PIEZO2: variants seen among roughly 807,000 people sequenced by gnomAD.
PIEZO2 encodes the protein piezo type mechanosensitive ion channel component 2.
A neutral mutation model predicts 337.3 loss-of-function variants in PIEZO2; 172 were observed. That is an observed-to-expected ratio of 0.51 (90% CI 0.45 to 0.58). The LOEUF is 0.58. Ranked by LOEUF, PIEZO2 falls within the 20% of genes least tolerant of loss-of-function variation. PIEZO2 has a pLI of 0.00. For missense variants in PIEZO2, 3,028 were observed against 3,391.3 expected (o/e 0.89, Z 2.66); for synonymous variants, 1,251 against 1,228.5 (o/e 1.02, Z -0.38).
rs1015873491 is a variant in PIEZO2 at position 10,677,018 on chromosome 18, G to A, written c.8081+729C>T. Among the ~76,000 whole-genome samples the A allele has an allele frequency of 1.3e-5, 2 of 152,186 alleles. No homozygotes were observed. Among genetic ancestry groups the A allele is most frequent in the Admixed American group, 1.3e-4 (2 of 15,286 alleles). ...GAGCTCCCACACCTCCAAATCGCATGAGAATCAGCATGATGATTTCTAGTG... is the reference window on the plus strand; with the variant it reads ...GAGCTCCCACACCTCCAAATCGCATAAGAATCAGCATGATGATTTCTAGTG... On this transcript the variant is annotated intron_variant, in intron 53 of 55. Coordinates refer to ENST00000674853, the MANE Select transcript of PIEZO2 (RefSeq NM_001378183.1). The surrounding 1 kb of genome is among the most constrained non-coding windows in gnomAD (Gnocchi z 4.1).
At chr18:10,770,073 T>TG in intron 21 of PIEZO2, 75 bp downstream of exon 21, 1 of 1,444,902 alleles carries the variant, frequency 6.9e-7, no homozygotes, top group Non-Finnish European at 9.3e-7. Context: ...AAAAAAATCA[T>TG]GGACAGCTGG....
intron 41 of PIEZO2, 141 bp downstream of exon 41, chr18:10,705,195 G>T: frequency 1.8e-6 from 2 of 1,130,996 alleles, no homozygotes; most frequent in East Asian, 5.2e-5. Context: ...TGCAGTGCAA[G>T]AAGTCTTGGA....
intron 4 of PIEZO2, among the ~76,000 whole-genome samples, chr18:10,900,171 C>A (rs2043007684): frequency 9.2e-6 from 1 of 109,060 alleles, no homozygotes; most frequent in Non-Finnish European, 1.8e-5. Context: ...AAATCACTTA[C>A]TTTTGTTACA....
At chr18:10,734,861 T>G (rs1024038085) in intron 35 of PIEZO2, among the ~76,000 whole-genome samples, 1 of 152,132 alleles carries the variant, frequency 6.6e-6, no homozygotes, top group Non-Finnish European at 1.5e-5. Context: ...TTTACCAGCT[T>G]TCTGAGAAAA....
At chr18:10,755,774 G>C (rs896454588) in intron 27 of PIEZO2, among the ~76,000 whole-genome samples, 5 of 152,114 alleles carry the variant, frequency 3.3e-5, no homozygotes, top group Non-Finnish European at 5.9e-5. Flanking sequence ...GGAATCTAGG[G>C]AGCCACCCCT....
At chr18:10,769,075 C>A (rs1434528799) in intron 21 of PIEZO2, among the ~76,000 whole-genome samples, 1 of 152,134 alleles carries the variant, frequency 6.6e-6, no homozygotes, top group Non-Finnish European at 1.5e-5. Flanking sequence ...TGTCAAATGC[C>A]TTCTCTTGTT....
At chr18:10,881,036 T>C (rs1459764927) in intron 4 of PIEZO2, among the ~76,000 whole-genome samples, 1 of 151,510 alleles carries the variant, frequency 6.6e-6, no homozygotes, top group Non-Finnish European at 1.5e-5. Context: ...AAATGTAACA[T>C]TTATTGAGAA....
intron 3 of PIEZO2, among the ~76,000 whole-genome samples, chr18:10,916,205 C>T (rs376679008): frequency 1.7e-4 from 26 of 152,310 alleles, no homozygotes; most frequent in African/African-American, 6.0e-4. Flanking sequence ...CAAGTCACCA[C>T]CCAACTCAGG....
intron 34 of PIEZO2, 112 bp downstream of exon 34, chr18:10,736,492 T>A: frequency 7.1e-7 from 1 of 1,399,942 alleles, no homozygotes; most frequent in Non-Finnish European, 9.4e-7. Flanking sequence ...ATCAGAAGCT[T>A]CGGGGAGCTA....
At chr18:10,701,592 A>G (rs4239286) in intron 43 of PIEZO2, among the ~76,000 whole-genome samples, 35,010 of 152,244 alleles carry the variant, frequency 0.23, 4,084 homozygotes, top group South Asian at 0.28. Flanking sequence ...TATGATCCAC[A>G]CACATTGTGG....
At position 10,870,058 on chromosome 18, in the gene PIEZO2, T is replaced by C. The variant is rs1007633010; in HGVS notation, c.492+1195A>G. The stretch of plus-strand genomic sequence containing the variant: ...GCTCAGCTAATTTTTGTATTTTTAG[T>C]AGAGACAGGGTTTCACCATGTTGGC... On this transcript the variant is annotated intron_variant, in intron 5 of 55. Transcript: ENST00000674853. This position sits in a 1 kb window ranked among gnomAD's most constrained non-coding sequence, Gnocchi z 5.3. Among the ~76,000 whole-genome samples the C allele has an allele frequency of 1.3e-5, 2 of 152,102 alleles. No homozygotes were observed. The highest frequency in any genetic ancestry group is 2.4e-5 in the African/African-American group (1 of 41,420).
intron 7 of PIEZO2, among the ~76,000 whole-genome samples, chr18:10,812,739 C>T (rs755875886): frequency 1.3e-5 from 2 of 152,074 alleles, no homozygotes; most frequent in Non-Finnish European, 2.9e-5. Context: ...CTCTGAAGCA[C>T]TCATAACATC....
Position 10,803,884 on chromosome 18 carries a change from A to G in PIEZO2, c.1191T>C (p.Asp397=). ...TTTCATCATGGCTTACTTTTCTCTCATCAGTGGGGTAATGGGTTGCGTACC... is the reference window on the plus strand; with the variant it reads ...TTTCATCATGGCTTACTTTTCTCTCGTCAGTGGGGTAATGGGTTGCGTACC... ...SLWYATHYPT[D]ERKLLSMTQD... Residue 397 remains aspartate (D), a synonymous_variant, in exon 9 of 56, where the codon GAT becomes GAC. Coordinates refer to ENST00000674853, the MANE Select transcript of PIEZO2 (RefSeq NM_001378183.1). The G allele has an allele frequency of 6.5e-7, 1 of 1,537,142 alleles. No individual in the cohort carries two copies. Among genetic ancestry groups the G allele is most frequent in the Non-Finnish European group, 8.7e-7 (1 of 1,146,894 alleles).
intron 1 of PIEZO2, among the ~76,000 whole-genome samples, chr18:11,087,078 G>A (rs1320340778): frequency 6.6e-6 from 1 of 152,106 alleles, no homozygotes; most frequent in Admixed American, 6.5e-5. Flanking sequence ...AGTGGGATAC[G>A]TGCCCTTATA....
In PIEZO2 at chr18:10,705,487, A is replaced by T; in HGVS notation, c.5848T>A (p.Phe1950Ile). The change falls in exon 41 of 56, where the codon TTC becomes ATC. Residue 1950 changes from phenylalanine (F) to isoleucine (I), a missense_variant. By Grantham distance (21) the Phe-to-Ile change is conservative. Transcript: ENST00000674853. ...APPSYSKAVSFEHLSFGSQDD... is the reference protein window; with the variant it reads ...APPSYSKAVSIEHLSFGSQDD... ...TGCGAGCCGAAGGACAGATGCTCGA[A>T]GCTCACAGCCTTGCTGTAGGAGGGT... The T allele has an allele frequency of 6.5e-7, 1 of 1,537,258 alleles. No individual in the cohort carries two copies. The highest frequency in any genetic ancestry group is 1.4e-5 in the African/African-American group (1 of 73,174).
intron 4 of PIEZO2, among the ~76,000 whole-genome samples, chr18:10,883,828 T>TTTTTTTTTTTTTA (rs1598626308): frequency 6.7e-6 from 1 of 150,272 alleles, no homozygotes; most frequent in African/African-American, 2.5e-5. Flanking sequence ...TTTTTTTTTT[T>TTTTTTTTTTTTTA]GAGACAGAGT....
At chr18:10,703,937 C>T (rs774295445) in intron 42 of PIEZO2, among the ~76,000 whole-genome samples, 6 of 152,170 alleles carry the variant, frequency 3.9e-5, no homozygotes, top group East Asian at 1.9e-4. Flanking sequence ...GTCCAAAGTG[C>T]CGGACTGTAT....
At position 11,101,330 on chromosome 18, in the gene PIEZO2, C is replaced by T. The variant is rs539214964; in HGVS notation, c.65-35108G>A. Among the ~76,000 whole-genome samples the T allele has an allele frequency of 1.9e-4, 29 of 152,378 alleles. No homozygotes were observed. Among genetic ancestry groups the T allele is most frequent in the African/African-American group, 6.3e-4 (26 of 41,588 alleles). ...CTCGAGTGCTGCACGTGGGTCCCCA[C>T]GCACCACTTGCTGGCCCCATGAAGC... is the stretch of plus-strand genomic sequence containing the variant. On this transcript the variant is annotated intron_variant, in intron 1 of 55. Transcript: ENST00000674853. The surrounding 1 kb of genome is among the most constrained non-coding windows in gnomAD (Gnocchi z 4.4).
In PIEZO2 at chr18:11,129,096, A is replaced by C. The variant is rs187226996; in HGVS notation, c.64+19429T>G. Among the ~76,000 whole-genome samples, 2 of 152,308 alleles carry C rather than the reference A, an allele frequency of 1.3e-5. No homozygotes were observed. The highest frequency in any genetic ancestry group is 6.5e-5 in the Admixed American group (1 of 15,300). On this transcript the variant is annotated intron_variant, in intron 1 of 55. Transcript: ENST00000674853. This position sits in a 1 kb window ranked among gnomAD's most constrained non-coding sequence, Gnocchi z 4.6. ...CCCTCAGTTTAATGTAGAGGAAGGG[A>C]TCCAAAGGCTTAGGGAGATTGGGAT...
Sources: gnomAD v4.1 joint callset for allele counts (sites outside exome capture counted in the v4.1 genomes callset) on GRCh38, gnomAD v4.1.1 for gene constraint, Gnocchi (gnomAD v3.1) non-coding constraint, MANE v1.5 for transcripts, NCBI Gene and HGNC (gene_info 2026-07-23, HGNC 2026-07-21) for gene names.